Variants in OR4N2 observed in about 807,000 individuals in gnomAD.
OR4N2 encodes olfactory receptor family 4 subfamily N member 2.
For missense variants in OR4N2, 307 were observed against 377.6 expected, an observed-to-expected ratio of 0.81 and a Z score of 1.55; for synonymous variants, 141 against 140.4, an observed-to-expected ratio of 1.00 and a Z score of -0.03.
At chr14:19,810,221 C>G (rs1164807995) in intron 1 of OR4N2, among the ~76,000 whole-genome samples, 2 of 152,136 alleles carry the variant, frequency 1.3e-5, no homozygotes, top group East Asian at 3.8e-4. Context: ...TACATGCAGC[C>G]AAGAAGCATA....
intron 1 of OR4N2, among the ~76,000 whole-genome samples, chr14:19,806,567 TA>T (rs1425968492): frequency 6.6e-6 from 1 of 152,218 alleles, no homozygotes; most frequent in Non-Finnish European, 1.5e-5. Flanking sequence ...CCCAGACTCA[TA>T]AAACAAGTTT....
At chr14:19,826,012 G>A (rs1398340042) in intron 1 of OR4N2, among the ~76,000 whole-genome samples, 1 of 152,092 alleles carries the variant, frequency 6.6e-6, no homozygotes, top group African/African-American at 2.4e-5. Flanking sequence ...AACCTTAAAT[G>A]TATGCATATT....
At chr14:19,823,519 A>G (rs1879616904) in intron 1 of OR4N2, among the ~76,000 whole-genome samples, 1 of 152,266 alleles carries the variant, frequency 6.6e-6, no homozygotes, top group African/African-American at 2.4e-5. Context: ...TTGTTGGGAA[A>G]GAAAATGACA....
intron 1 of OR4N2, among the ~76,000 whole-genome samples, chr14:19,805,044 G>A (rs1318026084): frequency 6.6e-6 from 1 of 152,026 alleles, no homozygotes; most frequent in Non-Finnish European, 1.5e-5. Flanking sequence ...CTTTTTGCTT[G>A]GTCTATTTTT....
chr14:19,815,659 T>G (rs113158100), intron 1 of OR4N2, among the ~76,000 whole-genome samples: 9 of 151,284 alleles, frequency 5.9e-5, no homozygotes, highest in East Asian at 3.9e-4. Context: ...TTTTTTGTTT[T>G]TTTTTTTTTT....
intron 1 of OR4N2, among the ~76,000 whole-genome samples, chr14:19,824,630 GA>G (rs1413945650): frequency 6.6e-6 from 1 of 152,224 alleles, no homozygotes; most frequent in Non-Finnish European, 1.5e-5. Flanking sequence ...CCCTGACACA[GA>G]AAAACTAACC....
intron 1 of OR4N2, among the ~76,000 whole-genome samples, chr14:19,821,259 CCA>C (rs1356573831): frequency 1.3e-5 from 2 of 152,238 alleles, no homozygotes; most frequent in Non-Finnish European, 2.9e-5. Context: ...TGGGCTGCAC[CCA>C]CTGTCTAACC....
chr14:19,805,489 T>C (rs1879140549), intron 1 of OR4N2, among the ~76,000 whole-genome samples: 1 of 152,110 alleles, frequency 6.6e-6, no homozygotes, highest in Admixed American at 6.5e-5. Flanking sequence ...CTAAGGAAAA[T>C]ATCTCTGAGC....
chr14:19,825,646 C>T (rs1486314965), intron 1 of OR4N2, among the ~76,000 whole-genome samples: 1 of 152,176 alleles, frequency 6.6e-6, no homozygotes, highest in African/African-American at 2.4e-5. Flanking sequence ...AGCTCTGCCT[C>T]CCGGGTTCAC....
intron 1 of OR4N2, among the ~76,000 whole-genome samples, chr14:19,819,411 T>C (rs1879507369): frequency 2.0e-5 from 3 of 152,248 alleles, no homozygotes; most frequent in African/African-American, 7.2e-5. Flanking sequence ...TCCAATCTTG[T>C]CGTCACGCTT....
intron 1 of OR4N2, among the ~76,000 whole-genome samples, chr14:19,816,676 T>C (rs568133987): frequency 1.3e-5 from 2 of 152,380 alleles, no homozygotes; most frequent in African/African-American, 2.4e-5. Flanking sequence ...CCTGTTTGAA[T>C]ACGCTTTATT....
At chr14:19,810,245 G>A (rs188938909) in intron 1 of OR4N2, among the ~76,000 whole-genome samples, 22 of 152,302 alleles carry the variant, frequency 1.4e-4, no homozygotes, top group African/African-American at 5.1e-4. Flanking sequence ...AAAAATGTTC[G>A]ACATCGCTAA....
In OR4N2 at chr14:19,812,235, G is replaced by A. The variant is rs558224882; in HGVS notation, c.-10+8391G>A. On this transcript the variant is annotated intron_variant, in intron 1 of 1. Coordinates refer to ENST00000557677, the MANE Select transcript of OR4N2 (RefSeq NM_001004723.3). ...TGTTAAGGGTATAAAAATATTAGAA[G>A]TCATGCCATAGAAGTAAAAAAAGAA... is the stretch of plus-strand genomic sequence containing the variant. Among the ~76,000 whole-genome samples, 3 of 151,188 alleles carry A rather than the reference G, an allele frequency of 2.0e-5. No homozygotes were observed. In the East Asian group the frequency reaches 5.8e-4, roughly 29 times the overall value.
intron 1 of OR4N2, among the ~76,000 whole-genome samples, chr14:19,804,772 C>T (rs1408519835): frequency 1.3e-5 from 2 of 152,006 alleles, no homozygotes; most frequent in Non-Finnish European, 2.9e-5. Context: ...TATCTCAATG[C>T]TCTAATACTG....
intron 1 of OR4N2, among the ~76,000 whole-genome samples, chr14:19,805,476 A>G (rs1191321895): frequency 6.6e-6 from 1 of 152,218 alleles, no homozygotes; most frequent in Non-Finnish European, 1.5e-5. Context: ...AAAATAGACC[A>G]AGCTAAGGAA....
At chr14:19,809,064 G>C (rs575903043) in intron 1 of OR4N2, among the ~76,000 whole-genome samples, 47 of 152,246 alleles carry the variant, frequency 3.1e-4, no homozygotes, top group African/African-American at 1.1e-3. Flanking sequence ...TTGTGGGCTT[G>C]AGTCTGTAGC....
chr14:19,811,504 C>A (rs1286643412), intron 1 of OR4N2, among the ~76,000 whole-genome samples: 2 of 152,366 alleles, frequency 1.3e-5, no homozygotes, highest in Non-Finnish European at 2.9e-5. Flanking sequence ...CCTAGGCCCC[C>A]CAAAGTGCTG....
chr14:19,808,372 G>A (rs1490211923), intron 1 of OR4N2, among the ~76,000 whole-genome samples: 3 of 152,144 alleles, frequency 2.0e-5, no homozygotes, highest in Non-Finnish European at 2.9e-5. Flanking sequence ...CTGATATACA[G>A]TTTTAGGAAG....
chr14:19,825,395 G>C (rs1336727715), intron 1 of OR4N2, among the ~76,000 whole-genome samples: 1 of 152,174 alleles, frequency 6.6e-6, no homozygotes, highest in African/African-American at 2.4e-5. Context: ...TGTTTGTTTT[G>C]ATTTTCTATT....
Sources: allele counts gnomAD v4.1 joint callset (sites outside exome capture counted in the v4.1 genomes callset), GRCh38; gene constraint gnomAD v4.1.1; transcripts MANE v1.5; gene names NCBI Gene and HGNC (gene_info 2026-07-23, HGNC 2026-07-21).